Variants in CETP observed in about 807,000 individuals in gnomAD.
CETP encodes cholesteryl ester transfer protein, also known as BPI fold containing family F.
CETP carries 56 observed loss-of-function variants against 66.5 expected under a neutral mutation model. The observed-to-expected ratio is 0.84, with a 90% CI of 0.68 to 1.05. CETP has a LOEUF of 1.05. CETP is among the 50% of genes least tolerant of loss of function. The probability of loss-of-function intolerance (pLI) is 0.00; values close to 1 mark genes in which losing one functional copy is unlikely to be tolerated. For synonymous variants in CETP, 251 were observed against 245.7 expected (o/e 1.02, Z -0.20); for missense variants, 612 against 609.6 (o/e 1.00, Z -0.04).
At chr16:56,969,244 T>C (rs1360903115) in intron 2 of CETP, 142 bp from the exon 3 acceptor site, 3 of 1,055,872 alleles carry the variant, frequency 2.8e-6, no homozygotes, top group Non-Finnish European at 2.9e-6. Context: ...TTGGGTAACA[T>C]ATTTGCAGGT....
At chr16:56,979,446 G>A (rs1597006190) in intron 11 of CETP, among the ~76,000 whole-genome samples, 1 of 151,930 alleles carries the variant, frequency 6.6e-6, no homozygotes, top group East Asian at 1.9e-4. Flanking sequence ...TTCAGATCCT[G>A]TTTGATTTTA....
intron 10 of CETP, among the ~76,000 whole-genome samples, chr16:56,977,862 G>A (rs2056160584): frequency 6.6e-6 from 1 of 152,246 alleles, no homozygotes; most frequent in Non-Finnish European, 1.5e-5. Flanking sequence ...TCCTGAGAGA[G>A]GAGTTCAGGG....
At chr16:56,974,944 A>G (rs2056138975) in intron 9 of CETP, among the ~76,000 whole-genome samples, 157 bp from the exon 10 acceptor site, 1 of 152,198 alleles carries the variant, frequency 6.6e-6, no homozygotes, top group African/African-American at 2.4e-5. Context: ...TCCCTGTTCC[A>G]CACCCTGCCC....
At chr16:56,976,501 T>C (rs1425351918) in intron 10 of CETP, among the ~76,000 whole-genome samples, 1 of 151,968 alleles carries the variant, frequency 6.6e-6, no homozygotes, top group Non-Finnish European at 1.5e-5. Context: ...AGACAGAGTC[T>C]TGCTCTGTGG....
At chr16:56,971,179 C>A in intron 6 of CETP, 77 bp downstream of exon 6, 3 of 1,547,992 alleles carry the variant, frequency 1.9e-6, no homozygotes, top group African/African-American at 1.4e-5. Flanking sequence ...CTGCCTTTCC[C>A]TGAGAAGGTG....
intron 1 of CETP, among the ~76,000 whole-genome samples, 175 bp from the exon 2 acceptor site, chr16:56,962,835 C>G (rs908508763): frequency 3.3e-5 from 5 of 152,102 alleles, no homozygotes; most frequent in Admixed American, 6.5e-5. Flanking sequence ...CTCTGTGTCC[C>G]CTAGAATTGC....
chr16:56,977,118 C>G (rs1385010050), intron 10 of CETP, among the ~76,000 whole-genome samples: 1 of 152,074 alleles, frequency 6.6e-6, no homozygotes, highest in East Asian at 1.9e-4. Flanking sequence ...ACCATGTTGG[C>G]CAGGCTGGTC....
Position 56,962,795 on chromosome 16 carries a change from G to T in CETP, c.119-215G>T, listed in dbSNP as rs59008849. On this transcript the variant is annotated intron_variant, in intron 1 of 15. Coordinates refer to ENST00000200676, the MANE Select transcript of CETP (RefSeq NM_000078.3). The stretch of plus-strand genomic sequence containing the variant: ...GGATCCAGAGGCTAGGGTATGATCA[G>T]GATCTCTAGCTGGGGTCAGGGTCAG... Among the ~76,000 whole-genome samples the T allele has an allele frequency of 5.3e-3, 813 of 152,220 alleles. 7 individuals carry two copies. The highest frequency in any genetic ancestry group is 0.018 in the African/African-American group (746 of 41,528).
At chr16:56,979,899 C>T (rs1402105343) in intron 11 of CETP, among the ~76,000 whole-genome samples, 3 of 152,226 alleles carry the variant, frequency 2.0e-5, no homozygotes, top group African/African-American at 7.2e-5. Context: ...ACCACTGTCA[C>T]CATAACCCCC....
chr16:56,965,528 G>C (rs1354290965), intron 2 of CETP, among the ~76,000 whole-genome samples: 1 of 152,160 alleles, frequency 6.6e-6, no homozygotes, highest in African/African-American at 2.4e-5. Context: ...TTCTACTGAG[G>C]TTTTCTGAAG....
intron 10 of CETP, 106 bp downstream of exon 10, chr16:56,975,257 T>C: frequency 1.0e-6 from 1 of 969,462 alleles, no homozygotes; most frequent in Non-Finnish European, 1.7e-6. Context: ...GCAACAATTA[T>C]AACAGCGAAC....
At chr16:56,980,269 T>C (rs2056178387) in intron 11 of CETP, among the ~76,000 whole-genome samples, 1 of 152,088 alleles carries the variant, frequency 6.6e-6, no homozygotes, top group African/African-American at 2.4e-5. Flanking sequence ...GTTTGTCTGT[T>C]TGTTTCTGCC....
At chr16:56,982,050 G>T in intron 13 of CETP, 115 bp from the exon 14 acceptor site, 1 of 991,310 alleles carries the variant, frequency 1.0e-6, no homozygotes, top group Non-Finnish European at 1.6e-6. Flanking sequence ...TGGGTTGGAT[G>T]TATTTTTTTC....
intron 9 of CETP, among the ~76,000 whole-genome samples, chr16:56,974,263 A>AC (rs1382141125): frequency 5.9e-5 from 9 of 152,196 alleles, no homozygotes; most frequent in African/African-American, 2.2e-4. Context: ...ACATGGGGAG[A>AC]CCCCTGTCTC....
intron 2 of CETP, among the ~76,000 whole-genome samples, chr16:56,968,210 C>G (rs1365400404): frequency 6.6e-6 from 1 of 151,200 alleles, no homozygotes; most frequent in African/African-American, 2.4e-5. Flanking sequence ...TTTTTGGCGA[C>G]AGTCTTGCTC....
At chr16:56,975,315 G>A (rs1354530407) in intron 10 of CETP, among the ~76,000 whole-genome samples, 164 bp downstream of exon 10, 1 of 152,198 alleles carries the variant, frequency 6.6e-6, no homozygotes, top group African/African-American at 2.4e-5. Flanking sequence ...CTTAGTGTGT[G>A]TGACTTCCTT....
intron 2 of CETP, among the ~76,000 whole-genome samples, chr16:56,968,710 T>C (rs1053160277): frequency 3.2e-4 from 48 of 152,014 alleles, no homozygotes; most frequent in African/African-American, 1.1e-3. Context: ...TTTCTGTTTT[T>C]AGTAATTTGA....
chr16:56,981,893 T>C (rs1457113537), intron 13 of CETP, among the ~76,000 whole-genome samples: 1 of 151,924 alleles, frequency 6.6e-6, no homozygotes, highest in Non-Finnish European at 1.5e-5. Context: ...GTGGTATGGA[T>C]TGGGGTTTAG....
rs868624277 is a variant in CETP at position 56,978,139 on chromosome 16, A to G, written c.1030A>G (p.Lys344Glu). The stretch of plus-strand genomic sequence containing the variant: ...GGCCCAAGTCACCGTCCACTGCCTC[A>G]AGATGCCCAAGATCTCCTGCCAAAA... ...SQAQVTVHCLKMPKISCQNKG... is the reference protein window; with the variant it reads ...SQAQVTVHCLEMPKISCQNKG... Residue 344 changes from lysine to glutamate, a missense_variant, in exon 11 of 16, where the codon AAG (lysine) becomes GAG (glutamate). By Grantham distance (56) the Lys-to-Glu change is moderately conservative. Coordinates refer to ENST00000200676, the MANE Select transcript of CETP (RefSeq NM_000078.3). The G allele has an allele frequency of 1.2e-6, 2 of 1,614,232 alleles. No homozygotes were observed. The highest frequency in any genetic ancestry group is 1.7e-6 in the Non-Finnish European group (2 of 1,180,046).
Sources: allele counts gnomAD v4.1 joint callset (sites outside exome capture counted in the v4.1 genomes callset), GRCh38; gene constraint gnomAD v4.1.1; transcripts MANE v1.5; gene names NCBI Gene and HGNC (gene_info 2026-07-23, HGNC 2026-07-21).